Variants in RNF19A observed in about 807,000 individuals in gnomAD.
RNF19A encodes the protein E3 ubiquitin-protein ligase RNF19A.
RNF19A carries 32 observed loss-of-function variants against 75.7 expected under a neutral mutation model. That is an observed-to-expected ratio of 0.42 (90% CI 0.32 to 0.57). The LOEUF (loss-of-function observed/expected upper bound fraction) is 0.57. Ranked by LOEUF, RNF19A falls within the 20% of genes least tolerant of loss-of-function variation. The pLI is 0.10. For missense variants in RNF19A, 782 were observed against 1,036.3 expected, an observed-to-expected ratio of 0.75 and a Z score of 3.37; for synonymous variants, 335 against 345.2, an observed-to-expected ratio of 0.97 and a Z score of 0.33.
At position 100,269,128 on chromosome 8, in the gene RNF19A, T is replaced by C. The variant is rs1483181116; in HGVS notation, c.1029-181A>G. ...CACTATAAATTATATTAACAAGATATTGATATATCTTATTTTATATTATAT... is the reference window on the plus strand; with the variant it reads ...CACTATAAATTATATTAACAAGATACTGATATATCTTATTTTATATTATAT... On this transcript the variant is annotated intron_variant, in intron 4 of 9. Coordinates refer to ENST00000341084, the MANE Select transcript of RNF19A (RefSeq NM_183419.4). The surrounding 1 kb of genome is among the most constrained non-coding windows in gnomAD (Gnocchi z 5.7). Among the ~76,000 whole-genome samples, 1 of 150,648 alleles carries C rather than the reference T, an allele frequency of 6.6e-6. No individual in the cohort carries two copies. The highest frequency in any genetic ancestry group is 6.6e-5 in the Admixed American group (1 of 15,070).
At chr8:100,304,475 A>G (rs1563866178) in intron 1 of RNF19A, among the ~76,000 whole-genome samples, 1 of 152,010 alleles carries the variant, frequency 6.6e-6, no homozygotes, top group Non-Finnish European at 1.5e-5. Context: ...ACGCACTCAC[A>G]CTACTTACCA....
rs1055387699 is a variant in RNF19A at position 100,329,512 on chromosome 8, A to C, written c.-243+6596T>G. 6.6e-6 allele frequency among the ~76,000 whole-genome samples: 1 copy of C among 152,246 alleles called. No individual in the cohort carries two copies. The highest frequency in any genetic ancestry group is 6.5e-5 in the Admixed American group (1 of 15,282). ...CATTAGCAAAGCATGTATAGTGTCC[A>C]GATAAAGGAAGTCAATGGTCCCACT... is the stretch of plus-strand genomic sequence containing the variant. On this transcript the variant is annotated intron_variant, in intron 1 of 3. Transcript: ENST00000519527. The surrounding 1 kb of genome is among the most constrained non-coding windows in gnomAD (Gnocchi z 4.3).
chr8:100,268,727 AG>A, intron 5 of RNF19A, 57 bp downstream of exon 5: 2 of 1,215,954 alleles, frequency 1.6e-6, no homozygotes, highest in Non-Finnish European at 2.2e-6. Flanking sequence ...CAATACTAAA[AG>A]AATACACCTA....
At chr8:100,327,351 A>C (rs921220252) in intron 1 of RNF19A, among the ~76,000 whole-genome samples, 1 of 140,974 alleles carries the variant, frequency 7.1e-6, no homozygotes, top group Non-Finnish European at 1.5e-5. Flanking sequence ...TCCTGGGTTC[A>C]AGTGATTCTC....
At chr8:100,335,923 A>G (rs576504759) in intron 1 of RNF19A, among the ~76,000 whole-genome samples, 31 of 152,280 alleles carry the variant, frequency 2.0e-4, no homozygotes, top group African/African-American at 7.5e-4. Context: ...CAGCTATCCT[A>G]TAGGTTGGCC....
chr8:100,286,164 T>C (rs1821007781), intron 2 of RNF19A, among the ~76,000 whole-genome samples: 2 of 152,156 alleles, frequency 1.3e-5, no homozygotes, highest in South Asian at 4.1e-4. Context: ...AATACTGTCT[T>C]CTGCTCAAGT....
intron 1 of RNF19A, among the ~76,000 whole-genome samples, chr8:100,315,039 C>T (rs1450862783): frequency 6.6e-6 from 1 of 152,174 alleles, no homozygotes; most frequent in African/African-American, 2.4e-5. Context: ...GGCCAGTGTG[C>T]TGGCACATGC....
chr8:100,270,099 A>G lies in RNF19A; in HGVS notation c.884-86T>C, dbSNP rs1049121563. On this transcript the variant is annotated intron_variant, in intron 3 of 9. Coordinates refer to ENST00000341084, the MANE Select transcript of RNF19A (RefSeq NM_183419.4). ...CAGTTTACCAATTGTAGCACTGTCA[A>G]AAAATCTTAAGATGTAGTTTGTTAA... 5 of 1,159,452 alleles carry G rather than the reference A, an allele frequency of 4.3e-6. No individual in the cohort carries two copies. In the African/African-American group the frequency reaches 7.9e-5, roughly 18 times the overall value. 71.8% of individuals were successfully genotyped at this position (1,159,452 alleles called of 1,614,324 possible).
rs971948711 is a variant in RNF19A, at chr8:100,323,863, T to C, written c.-242-10491A>G. ...CATCACAAGTTGTTTGTAAAATGAC[T>C]GTGCCAAACCAACATTCCTGTCAAC... On this transcript the variant is annotated intron_variant, in intron 1 of 3. Transcript: ENST00000519527. The surrounding 1 kb of genome is among the most constrained non-coding windows in gnomAD (Gnocchi z 4.6). Among the ~76,000 whole-genome samples the C allele has an allele frequency of 6.6e-6, 1 of 152,224 alleles. No homozygotes were observed. Among genetic ancestry groups the C allele is most frequent in the Admixed American group, 6.5e-5 (1 of 15,280 alleles).
At chr8:100,283,959 C>A (rs955398407) in intron 2 of RNF19A, among the ~76,000 whole-genome samples, 5 of 151,906 alleles carry the variant, frequency 3.3e-5, no homozygotes, top group African/African-American at 1.2e-4. Context: ...AAAGGGCGGT[C>A]CTCTGTGTGT....
At position 100,296,304 on chromosome 8, in the gene RNF19A, C is replaced by T. The variant is rs199682255; in HGVS notation, c.-93-8037G>A. 1.8e-4 allele frequency among the ~76,000 whole-genome samples: 28 copies of T among 152,188 alleles called. No homozygotes were observed. The East Asian group carries it at 5.4e-3, about 29-fold the overall frequency. ...ATTTTTAGTAGAGACGGGGTTTCACCATGTTGGCCAGGCTGGTCTTGAACT... is the reference window on the plus strand; with the variant it reads ...ATTTTTAGTAGAGACGGGGTTTCACTATGTTGGCCAGGCTGGTCTTGAACT... On this transcript the variant is annotated intron_variant, in intron 1 of 9. Coordinates refer to ENST00000341084, the MANE Select transcript of RNF19A (RefSeq NM_183419.4).
Position 100,259,848 on chromosome 8 carries a change from C to T in RNF19A, c.1826+6G>A. 2 of 1,600,714 alleles carry T rather than the reference C, an allele frequency of 1.2e-6. No homozygotes were observed. Among genetic ancestry groups the T allele is most frequent in the African/African-American group, 1.3e-5 (1 of 74,254 alleles). ...ACTTTCAATTTTTTAACAGTTTTTT[C>T]CTTACTTGTCCAATGGGATGTAGGA... On this transcript the variant is annotated splice_donor_region_variant and intron_variant, in intron 9 of 9. Coordinates refer to ENST00000341084, the MANE Select transcript of RNF19A (RefSeq NM_183419.4). The surrounding 1 kb of genome is among the most constrained non-coding windows in gnomAD (Gnocchi z 4.5).
chr8:100,292,437 T>G (rs60960956), intron 1 of RNF19A, among the ~76,000 whole-genome samples: 20,917 of 101,988 alleles, frequency 0.21, 1,467 homozygotes, highest in African/African-American at 0.34. Flanking sequence ...ATCATATGGG[T>G]GTGTGTGTGT....
In RNF19A at chr8:100,317,087, C is replaced by G; in HGVS notation, c.-242-3715G>C. On this transcript the variant is annotated intron_variant, in intron 1 of 3. Coordinates refer to the RNF19A transcript ENST00000519527. The surrounding 1 kb of genome is among the most constrained non-coding windows in gnomAD (Gnocchi z 4.3). The stretch of plus-strand genomic sequence containing the variant: ...CTCTGAGTGCGGGGCCTGCCAAGCC[C>G]ACGCCCACGCCCACCCGGAACTCCA... Among the ~76,000 whole-genome samples the G allele has an allele frequency of 6.6e-6, 1 of 152,230 alleles. No homozygotes were observed. The highest frequency in any genetic ancestry group is 1.9e-4 in the East Asian group (1 of 5,194).
chr8:100,336,113 G>A (rs1286577322), exon 1 of RNF19A: 1 of 152,436 alleles, frequency 6.6e-6, no homozygotes, highest in Non-Finnish European at 1.5e-5. Context: ...ATTACCATGA[G>A]CAGAAGCTGT....
intron 3 of RNF19A, among the ~76,000 whole-genome samples, chr8:100,272,864 A>C (rs573621158): frequency 1.1e-4 from 17 of 151,610 alleles, no homozygotes. Context: ...CTGCATTTCT[A>C]ATTCTTCCTC....
In RNF19A at chr8:100,309,128, A is replaced by G. The variant is rs556587279; in HGVS notation, c.-94+739T>C. On this transcript the variant is annotated intron_variant, in intron 1 of 9. Transcript: ENST00000341084. Reference sequence around the variant, plus strand: ...CCAGATAAGAAAAACTGAAAATTCAAAGTAGTAGTATTACTTGCCGGGCGA... The same window carrying G: ...CCAGATAAGAAAAACTGAAAATTCAGAGTAGTAGTATTACTTGCCGGGCGA... Among the ~76,000 whole-genome samples, 5 of 152,304 alleles carry G rather than the reference A, an allele frequency of 3.3e-5. No homozygotes were observed. The South Asian group carries it at 1.0e-3, about 32-fold the overall frequency.
Position 100,269,930 on chromosome 8 carries a change from C to T in RNF19A, c.967G>A (p.Val323Ile). The T allele has an allele frequency of 1.2e-6, 2 of 1,610,374 alleles. No individual in the cohort carries two copies. The highest frequency in any genetic ancestry group is 2.2e-5 in the East Asian group (1 of 44,578). Residue 323 changes from valine to isoleucine, a missense_variant, in exon 4 of 10, where the codon GTT (valine) becomes ATT (isoleucine). Val to Ile is a conservative substitution (Grantham distance 29, BLOSUM62 3). Coordinates refer to ENST00000341084, the MANE Select transcript of RNF19A (RefSeq NM_183419.4). The surrounding 1 kb of genome is among the most constrained non-coding windows in gnomAD (Gnocchi z 5.7). ...DGSCNHMTCAVCGCEFCWLCM... is the reference protein window; with the variant it reads ...DGSCNHMTCAICGCEFCWLCM... ...AACCAACAAAACTCACAACCACAAACAGCACATGTCATGTGATTGCAGCTC... is the reference window on the plus strand; with the variant it reads ...AACCAACAAAACTCACAACCACAAATAGCACATGTCATGTGATTGCAGCTC...
At chr8:100,310,993 C>G (rs966362726), upstream of RNF19A, among the ~76,000 whole-genome samples, 1 of 152,212 alleles carries the variant, frequency 6.6e-6, no homozygotes, top group African/African-American at 2.4e-5. Flanking sequence ...AGATTTAGAT[C>G]ACTCTAACAT....
Sources: allele counts gnomAD v4.1 joint callset (sites outside exome capture counted in the v4.1 genomes callset), GRCh38; gene constraint gnomAD v4.1.1; non-coding constraint Gnocchi (gnomAD v3.1); transcripts MANE v1.5; gene names NCBI Gene and HGNC (gene_info 2026-07-23, HGNC 2026-07-21).